Variants in ABCA9 observed in about 807,000 individuals in gnomAD.
The protein encoded by ABCA9 is ATP-binding cassette sub-family A member 9.
ABCA9 carries 183 observed loss-of-function variants against 205.3 expected under a neutral mutation model. The ratio of observed to expected loss-of-function variants is 0.89; its 90% CI spans 0.79 to 1.01. ABCA9 has a LOEUF of 1.01. Ranked by LOEUF, ABCA9 falls within the 50% of genes least tolerant of loss-of-function variation. The probability of loss-of-function intolerance (pLI) is 0.00; values close to 1 mark genes in which losing one functional copy is unlikely to be tolerated. For synonymous variants in ABCA9, 651 were observed against 683.3 expected (o/e 0.95, Z 0.74); for missense variants, 1,805 against 1,912.4 (o/e 0.94, Z 1.05).
chr17:69,016,599 C>T (rs1359778957), intron 21 of ABCA9, among the ~76,000 whole-genome samples: 1 of 152,078 alleles, frequency 6.6e-6, no homozygotes, highest in African/African-American at 2.4e-5. Context: ...ACCATAACAT[C>T]AACCATGTGG....
chr17:69,028,576 G>A lies in ABCA9; in HGVS notation c.1574C>T (p.Thr525Ile). ...LLGHSGAGKT[T>I]LLNILSGLSV... Reference sequence around the variant, plus strand: ...CAACCCACTAAGTATGTTTAACAGGGTAGTTTTTCCAGCTCCACTGTGACC... The same window carrying A: ...CAACCCACTAAGTATGTTTAACAGGATAGTTTTTCCAGCTCCACTGTGACC... The change falls in exon 12 of 39, where the codon ACC (threonine) becomes ATC (isoleucine). Residue 525 changes from threonine (T) to isoleucine (I), a missense_variant. Thr to Ile is a moderately conservative substitution (Grantham distance 89). Transcript: ENST00000340001. 2 of 1,610,524 alleles carry A rather than the reference G, an allele frequency of 1.2e-6. No homozygotes were observed. The highest frequency in any genetic ancestry group is 1.7e-6 in the Non-Finnish European group (2 of 1,178,108).
chr17:69,025,654 C>A (rs891314721), intron 16 of ABCA9, among the ~76,000 whole-genome samples: 3 of 152,124 alleles, frequency 2.0e-5, no homozygotes, highest in Non-Finnish European at 2.9e-5. Context: ...ATCCATTTAT[C>A]CATCAGGATG....
At chr17:69,020,681 T>G in intron 18 of ABCA9, 95 bp from the exon 19 acceptor site, 1 of 1,138,038 alleles carries the variant, frequency 8.8e-7, no homozygotes, top group South Asian at 1.5e-5. Context: ...GTGTCAAAGT[T>G]ACCCTCTTGG....
At chr17:69,025,519 A>G (rs753004294) in intron 16 of ABCA9, among the ~76,000 whole-genome samples, 108 of 152,180 alleles carry the variant, frequency 7.1e-4, no homozygotes, top group Non-Finnish European at 1.6e-4. Context: ...TGAGTATTCA[A>G]TAGAGGGTAT....
chr17:69,003,831 T>A (rs1041260779), intron 25 of ABCA9, among the ~76,000 whole-genome samples: 8 of 152,142 alleles, frequency 5.3e-5, no homozygotes, highest in African/African-American at 1.9e-4. Context: ...TTATTCTTTT[T>A]TCTCTAAACT....
At chr17:69,017,599 A>G in intron 21 of ABCA9, 57 bp downstream of exon 21, 1 of 1,589,174 alleles carries the variant, frequency 6.3e-7, no homozygotes, top group Admixed American at 1.8e-5. Context: ...TGAATTATTC[A>G]AATTGTACAC....
In ABCA9 at chr17:69,027,290, T is replaced by C. The variant is rs749184283; in HGVS notation, c.1911+40A>G. 20 of 1,599,080 alleles carry C rather than the reference T, an allele frequency of 1.3e-5. No homozygotes were observed. The South Asian group carries it at 2.1e-4, about 17-fold the overall frequency. The stretch of plus-strand genomic sequence containing the variant: ...TTGACCTAATAAAATAATTTTATAG[T>C]CTTCAATCTGATTTCACCAGTAATT... On this transcript the variant is annotated intron_variant, in intron 14 of 38. Transcript: ENST00000340001.
chr17:68,987,921 C>T (rs1317602632), intron 31 of ABCA9, among the ~76,000 whole-genome samples: 3 of 152,144 alleles, frequency 2.0e-5, no homozygotes, highest in Non-Finnish European at 4.4e-5. Context: ...TTCACCACCA[C>T]GCCTGGCTAA....
At position 69,012,004 on chromosome 17, in the gene ABCA9, A is replaced by G. The variant is rs1308882379; in HGVS notation, c.3119T>C (p.Ile1040Thr). The G allele has an allele frequency of 6.2e-7, 1 of 1,612,822 alleles. No individual in the cohort carries two copies. Among genetic ancestry groups the G allele is most frequent in the African/African-American group, 1.3e-5 (1 of 74,966 alleles). Reference sequence around the variant, plus strand: ...GTAGTCACCAATGCTGCTCATTGCAATGTATGGAGTGAAAGAGGCTGCCAT... The same window carrying G: ...GTAGTCACCAATGCTGCTCATTGCAGTGTATGGAGTGAAAGAGGCTGCCAT... ...IPMAASFTPY[I>T]AMSSIGDYKK... The change falls in exon 23 of 39, where the codon ATT becomes ACT. Residue 1040 changes from isoleucine to threonine, a missense_variant. Ile to Thr is a moderately conservative substitution (Grantham distance 89, BLOSUM62 -1). Transcript: ENST00000340001.
At chr17:68,984,829 C>T in intron 34 of ABCA9, 56 bp downstream of exon 34, 1 of 1,602,048 alleles carries the variant, frequency 6.2e-7, no homozygotes, top group South Asian at 1.1e-5. Context: ...ATTTTGCAGG[C>T]CAGTTTTCAC....
chr17:68,992,081 G>A, intron 28 of ABCA9, 94 bp downstream of exon 28: 1 of 818,442 alleles, frequency 1.2e-6, no homozygotes, highest in Non-Finnish European at 1.9e-6. Flanking sequence ...ACCATCCTGT[G>A]AAGTGTCTTT....
intron 37 of ABCA9, among the ~76,000 whole-genome samples, chr17:68,980,490 GT>G (rs1321902827): frequency 3.3e-5 from 5 of 152,056 alleles, no homozygotes; most frequent in African/African-American, 1.2e-4. Context: ...GCACACGTAT[GT>G]TTATTGCGGC....
chr17:69,078,820 A>C, the ABCA9 span: 1 of 501,226 alleles, frequency 2.0e-6, no homozygotes, highest in Non-Finnish European at 3.4e-6. Context: ...TTTGAGAGGA[A>C]GAATAATTTT....
intron 6 of ABCA9, among the ~76,000 whole-genome samples, chr17:69,040,367 T>C (rs981226540): frequency 1.3e-5 from 2 of 152,126 alleles, no homozygotes; most frequent in Admixed American, 6.6e-5. Context: ...ATGGAATATA[T>C]GCAGCCATAA....
At chr17:69,035,456 TG>T in intron 7 of ABCA9, 25 bp from the exon 8 acceptor site, 1 of 1,536,182 alleles carries the variant, frequency 6.5e-7, no homozygotes, top group Non-Finnish European at 8.7e-7. Context: ...AGACTTCAGC[TG>T]GTATATAATT....
the ABCA9 span, among the ~76,000 whole-genome samples, chr17:69,075,602 T>C: frequency 6.6e-6 from 1 of 152,160 alleles, no homozygotes; most frequent in East Asian, 1.9e-4. Context: ...TTGGTCTATA[T>C]GCCTTTTTTG....
intron 37 of ABCA9, among the ~76,000 whole-genome samples, chr17:68,981,438 T>C (rs1436774779): frequency 6.6e-6 from 1 of 152,142 alleles, no homozygotes; most frequent in Non-Finnish European, 1.5e-5. Context: ...TATAAAATAC[T>C]TCCTGTTGAT....
chr17:69,035,676 A>G lies in ABCA9; in HGVS notation c.926T>C (p.Leu309Pro). Residue 309 changes from leucine to proline, a missense_variant, in exon 7 of 39, where the codon CTC (leucine) becomes CCC (proline). Transcript: ENST00000340001. The stretch of plus-strand genomic sequence containing the variant: ...CCAACTCACCAAAGACAGGCCATAG[A>G]GGAGAAAGAGGGTGAAGACCATCAC... ...GFVMVFTLFL[L>P]YGLSLITLAF... 1 of 1,613,738 alleles carries G rather than the reference A, an allele frequency of 6.2e-7. No individual in the cohort carries two copies. The highest frequency in any genetic ancestry group is 8.5e-7 in the Non-Finnish European group (1 of 1,179,814).
chr17:68,987,263 G>C (rs2069267362), intron 31 of ABCA9, among the ~76,000 whole-genome samples: 1 of 152,172 alleles, frequency 6.6e-6, no homozygotes, highest in African/African-American at 2.4e-5. Flanking sequence ...CAGAATCCAA[G>C]TCCTTGACCT....
Sources: allele counts gnomAD v4.1 joint callset (sites outside exome capture counted in the v4.1 genomes callset), GRCh38; gene constraint gnomAD v4.1.1; transcripts MANE v1.5; gene names NCBI Gene and HGNC (gene_info 2026-07-23, HGNC 2026-07-21).